PRR5L: variants seen among roughly 807,000 people sequenced by gnomAD.
The protein encoded by PRR5L is proline rich 5 like.
In PRR5L, 21 loss-of-function variants were observed where a neutral mutation model predicts 36.4. The ratio of observed to expected loss-of-function variants is 0.58; its 90% confidence interval spans 0.41 to 0.83. PRR5L has a LOEUF of 0.83. Among genes scored for constraint, PRR5L ranks in the 40% least tolerant of loss-of-function variants. PRR5L has a pLI of 0.00. For synonymous variants in PRR5L, 188 were observed against 197.0 expected, an observed-to-expected ratio of 0.95 and a Z score of 0.38; for missense variants, 381 against 473.3, an observed-to-expected ratio of 0.80 and a Z score of 1.81.
intron 8 of PRR5L, among the ~76,000 whole-genome samples, chr11:36,455,668 C>T (rs539634893): frequency 6.6e-6 from 1 of 152,284 alleles, no homozygotes; most frequent in South Asian, 2.1e-4. Flanking sequence ...GGTGACAGGG[C>T]CCTGCCTTCC....
At chr11:36,301,648 G>T (rs1856378420) in intron 1 of PRR5L, among the ~76,000 whole-genome samples, 1 of 152,122 alleles carries the variant, frequency 6.6e-6, no homozygotes, top group Non-Finnish European at 1.5e-5. Flanking sequence ...ATACGGAGGG[G>T]CTGCCCTGAG....
rs1055693371 is a variant in PRR5L, at chr11:36,377,038, A to G, written c.-125-23959A>G. Among the ~76,000 whole-genome samples the G allele has an allele frequency of 6.6e-6, 1 of 152,100 alleles. No homozygotes were observed. Among genetic ancestry groups the G allele is most frequent in the Non-Finnish European group, 1.5e-5 (1 of 68,004 alleles). On this transcript the variant is annotated intron_variant, in intron 1 of 8. Coordinates refer to ENST00000530639, the MANE Select transcript of PRR5L (RefSeq NM_001160167.2). This position sits in a 1 kb window ranked among gnomAD's most constrained non-coding sequence, Gnocchi z 5.1. Reference sequence around the variant, plus strand: ...GCGGATGCTGGTGATCATGGGACCTAGGCTGAGCCGGGAGGTCGAAAAAGA... The same window carrying G: ...GCGGATGCTGGTGATCATGGGACCTGGGCTGAGCCGGGAGGTCGAAAAAGA...
intron 7 of PRR5L, among the ~76,000 whole-genome samples, chr11:36,448,750 C>T (rs1351641140): frequency 5.3e-5 from 8 of 152,088 alleles, no homozygotes; most frequent in Admixed American, 1.3e-4. Flanking sequence ...GGGATCATGG[C>T]GAATTTCCAG....
At chr11:36,329,589 A>G (rs1202648814) in intron 1 of PRR5L, among the ~76,000 whole-genome samples, 3 of 152,240 alleles carry the variant, frequency 2.0e-5, no homozygotes, top group Non-Finnish European at 4.4e-5. Context: ...TTGTTTATAA[A>G]TAAGTCATCT....
chr11:36,297,111 A>G (rs10836528), intron 1 of PRR5L, among the ~76,000 whole-genome samples: 49,214 of 152,074 alleles, frequency 0.32, 8,702 homozygotes, highest in Non-Finnish European at 0.4. Flanking sequence ...AAATTGAAGT[A>G]CGGATAATTT....
chr11:36,362,632 A>C (rs1444763127), intron 1 of PRR5L, among the ~76,000 whole-genome samples: 1 of 152,054 alleles, frequency 6.6e-6, no homozygotes, highest in Non-Finnish European at 1.5e-5. Flanking sequence ...ATAATCAATT[A>C]TGTCTGTCCT....
rs573587045 is a variant in PRR5L at position 36,464,598 on chromosome 11, T to C, written c.*1862T>C. ...CTAACATGCATTAGCAAATGGAGCA[T>C]CAGTAGGTAGCAACATGATAATTTA... On this transcript the variant is annotated 3_prime_UTR_variant, in exon 9 of 9. Coordinates refer to ENST00000530639, the MANE Select transcript of PRR5L (RefSeq NM_001160167.2). 1 of 152,336 alleles carries C rather than the reference T, an allele frequency of 6.6e-6. No homozygotes were observed. Among genetic ancestry groups the C allele is most frequent in the Non-Finnish European group, 1.5e-5 (1 of 68,032 alleles). The allele number at this position is 152,336 out of a possible 1,614,324, so 9.4% of individuals were successfully genotyped here. A position where few individuals can be genotyped will look rare whatever the true frequency, so the allele number is the denominator to read the frequency against.
rs887680304 is a variant in PRR5L, at chr11:36,297,895, G to T, written c.-126+1457G>T. 2.0e-5 allele frequency among the ~76,000 whole-genome samples: 3 copies of T among 152,212 alleles called. No homozygotes were observed. In the East Asian group the frequency reaches 5.8e-4, roughly 29 times the overall value. ...CTGATGATTCTGACTCCTGGCAGGG[G>T]GAAGGGGAAAAGAGAAGAGGCAGGA... On this transcript the variant is annotated intron_variant, in intron 1 of 8. Transcript: ENST00000530639.
intron 8 of PRR5L, among the ~76,000 whole-genome samples, chr11:36,458,074 T>G (rs1859102296): frequency 6.6e-6 from 1 of 152,232 alleles, no homozygotes; most frequent in East Asian, 1.9e-4. Flanking sequence ...CATCCATGCT[T>G]CAGAAAGAAC....
chr11:36,351,959 T>C (rs900101008), intron 1 of PRR5L, among the ~76,000 whole-genome samples: 1 of 151,644 alleles, frequency 6.6e-6, no homozygotes, highest in African/African-American at 2.4e-5. Flanking sequence ...GATTATTAGA[T>C]CAAATGGTAG....
At chr11:36,388,471 A>G (rs1857495793) in intron 1 of PRR5L, among the ~76,000 whole-genome samples, 1 of 152,180 alleles carries the variant, frequency 6.6e-6, no homozygotes, top group Admixed American at 6.5e-5. Flanking sequence ...AAAAAGTCCA[A>G]AAGGGCTTAT....
chr11:36,374,256 G>A (rs879381951), intron 1 of PRR5L, among the ~76,000 whole-genome samples: 5 of 151,880 alleles, frequency 3.3e-5, no homozygotes, highest in African/African-American at 7.3e-5. Context: ...CACCATGCCC[G>A]GCTAATTTTT....
intron 5 of PRR5L, among the ~76,000 whole-genome samples, chr11:36,433,099 G>A (rs1331025687): frequency 1.3e-5 from 2 of 151,550 alleles, no homozygotes; most frequent in Admixed American, 1.3e-4. Context: ...TTTAAATTGT[G>A]GTTAAACAAA....
intron 8 of PRR5L, among the ~76,000 whole-genome samples, chr11:36,459,769 G>A (rs745487213): frequency 6.6e-6 from 1 of 152,152 alleles, no homozygotes; most frequent in Non-Finnish European, 1.5e-5. Flanking sequence ...TCTGAAAGTG[G>A]TGCTGTTAGC....
chr11:36,374,190 G>A (rs1857229852), intron 1 of PRR5L, among the ~76,000 whole-genome samples: 1 of 151,308 alleles, frequency 6.6e-6, no homozygotes, highest in South Asian at 2.1e-4. Flanking sequence ...CCACCTCCCA[G>A]GTTCAAGCAA....
chr11:36,426,597 C>A (rs1368234573), intron 4 of PRR5L, among the ~76,000 whole-genome samples: 1 of 152,190 alleles, frequency 6.6e-6, no homozygotes, highest in East Asian at 1.9e-4. Context: ...GGATTCAGAC[C>A]AACCTTGGTG....
chr11:36,418,137 C>G (rs1271905717), intron 3 of PRR5L, among the ~76,000 whole-genome samples: 3 of 152,210 alleles, frequency 2.0e-5, no homozygotes, highest in Non-Finnish European at 2.9e-5. Flanking sequence ...AAGAAGAGAG[C>G]AGAGACCTTG....
At chr11:36,451,187 A>G (rs572932135) in intron 7 of PRR5L, 22 bp from the exon 8 acceptor site, 2 of 1,613,732 alleles carry the variant, frequency 1.2e-6, no homozygotes, top group Admixed American at 1.7e-5. Flanking sequence ...ACCTTTGTGT[A>G]TCTTGGCTGT....
At position 36,462,878 on chromosome 11, in the gene PRR5L, T is replaced by A; in HGVS notation, c.*142T>A. 1 of 764,334 alleles carries A rather than the reference T, an allele frequency of 1.3e-6. No individual in the cohort carries two copies. The highest frequency in any genetic ancestry group is 1.9e-6 in the Non-Finnish European group (1 of 518,678). The allele number at this position is 764,334 out of a possible 1,614,324, so 47.3% of individuals were successfully genotyped here. A position where few individuals can be genotyped will look rare whatever the true frequency, so the allele number is the denominator to read the frequency against. On this transcript the variant is annotated 3_prime_UTR_variant, in exon 9 of 9. Coordinates refer to ENST00000530639, the MANE Select transcript of PRR5L (RefSeq NM_001160167.2). ...GGGTACTGTCCTGGTCAAAATGACC[T>A]AAGGGGAAACCGTTGTTGTAAACCT...
Sources: gnomAD v4.1 joint callset for allele counts (sites outside exome capture counted in the v4.1 genomes callset) on GRCh38, gnomAD v4.1.1 for gene constraint, Gnocchi (gnomAD v3.1) non-coding constraint, MANE v1.5 for transcripts, NCBI Gene and HGNC (gene_info 2026-07-23, HGNC 2026-07-21) for gene names.